The following RFX7 variants were observed in gnomAD, a reference collection of about 807,000 sequenced individuals.
RFX7 encodes regulatory factor X7, also known as DNA-binding protein RFX7.
In RFX7, 26 loss-of-function variants were observed where a neutral mutation model predicts 111.8. The ratio of observed to expected loss-of-function variants is 0.23; its 90% CI spans 0.17 to 0.32. The LOEUF is 0.32. RFX7 is among the 10% of genes least tolerant of loss of function. The probability of loss-of-function intolerance (pLI) is 1.00; values close to 1 mark genes in which losing one functional copy is unlikely to be tolerated. For missense variants in RFX7, 1,573 were observed against 1,772.9 expected, an observed-to-expected ratio of 0.89 and a Z score of 2.02; for synonymous variants, 624 against 624.4, an observed-to-expected ratio of 1.00 and a Z score of 0.01.
At chr15:56,217,476 G>A (rs1249088741) in intron 2 of RFX7, among the ~76,000 whole-genome samples, 1 of 146,314 alleles carries the variant, frequency 6.8e-6, no homozygotes, top group African/African-American at 2.5e-5. Context: ...CAGTTGTCTT[G>A]AGAATGTCAC....
At chr15:56,227,286 A>G (rs2043495450) in intron 2 of RFX7, among the ~76,000 whole-genome samples, 1 of 152,208 alleles carries the variant, frequency 6.6e-6, no homozygotes, top group Non-Finnish European at 1.5e-5. Flanking sequence ...CAGACAACAT[A>G]TAGTTGAGTC....
intron 2 of RFX7, among the ~76,000 whole-genome samples, chr15:56,186,809 T>C (rs1248362228): frequency 6.6e-6 from 1 of 152,164 alleles, no homozygotes; most frequent in African/African-American, 2.4e-5. Flanking sequence ...AATAAACTCT[T>C]TCCTTCTTTC....
chr15:56,105,710 A>G (rs896820437), intron 5 of RFX7, among the ~76,000 whole-genome samples: 2 of 152,174 alleles, frequency 1.3e-5, no homozygotes, highest in African/African-American at 2.4e-5. Context: ...AAAAGAAGTA[A>G]TGTTAAGTAT....
chr15:56,094,313 T>C lies in RFX7; in HGVS notation c.3415A>G (p.Lys1139Glu), dbSNP rs2041640537. 6.2e-7 allele frequency: 1 copy of C among 1,613,996 alleles called. No homozygotes were observed. Among genetic ancestry groups the C allele is most frequent in the Non-Finnish European group, 8.5e-7 (1 of 1,179,882 alleles). Residue 1139 changes from lysine (K) to glutamate (E), a missense_variant, in exon 10 of 10, where the codon AAA (lysine) becomes GAA (glutamate). Lys to Glu is a moderately conservative substitution (Grantham distance 56, BLOSUM62 1). Coordinates refer to ENST00000559447, the MANE Select transcript of RFX7 (RefSeq NM_022841.7). ...GCAGGGACTGCAAAACCCTCCTGTTTGTTGGTGTTATTTACAGTGGCACCT... is the reference window on the plus strand; with the variant it reads ...GCAGGGACTGCAAAACCCTCCTGTTCGTTGGTGTTATTTACAGTGGCACCT... Reference protein sequence around the residue: ...HQGATVNNTNKQEGFAVPAPL... With the variant: ...HQGATVNNTNEQEGFAVPAPL...
At chr15:56,192,130 TAAAC>T (rs1485281105) in intron 2 of RFX7, among the ~76,000 whole-genome samples, 1 of 152,020 alleles carries the variant, frequency 6.6e-6, no homozygotes, top group African/African-American at 2.4e-5. Flanking sequence ...TACACAGAAA[TAAAC>T]AGACTAAACA....
chr15:56,209,075 C>T (rs2043284982), intron 2 of RFX7, among the ~76,000 whole-genome samples: 1 of 151,908 alleles, frequency 6.6e-6, no homozygotes, highest in Non-Finnish European at 1.5e-5. Flanking sequence ...CGTCAACCAA[C>T]ATCAATGTCA....
chr15:56,228,411 T>C (rs1448989807), intron 2 of RFX7, among the ~76,000 whole-genome samples: 1 of 152,180 alleles, frequency 6.6e-6, no homozygotes, highest in African/African-American at 2.4e-5. Flanking sequence ...TATGGAACTA[T>C]GTTCCATCTT....
intron 5 of RFX7, among the ~76,000 whole-genome samples, chr15:56,111,023 TG>T (rs1304483528): frequency 3.6e-5 from 2 of 55,282 alleles, no homozygotes; most frequent in African/African-American, 6.0e-5. Flanking sequence ...GGGAGGGAGG[TG>T]GGGGGGTCAG....
chr15:56,219,405 G>A (rs946441080), intron 2 of RFX7, among the ~76,000 whole-genome samples: 12 of 152,042 alleles, frequency 7.9e-5, no homozygotes, highest in East Asian at 1.9e-4. Context: ...AGGGGTACAC[G>A]TGCAGGTCTG....
upstream of RFX7, among the ~76,000 whole-genome samples, chr15:56,244,945 C>A (rs751036453): frequency 1.6e-4 from 24 of 152,196 alleles, no homozygotes; most frequent in Non-Finnish European, 2.8e-4. Context: ...TAGAATACAA[C>A]AGCCAAGGCC....
intron 3 of RFX7, among the ~76,000 whole-genome samples, chr15:56,160,338 G>T (rs1424832877): frequency 2.6e-5 from 4 of 151,486 alleles, no homozygotes; most frequent in African/African-American, 2.4e-5. Flanking sequence ...TTTCAGATTG[G>T]TATCAGTAAA....
chr15:56,110,280 C>T (rs2041903088), intron 5 of RFX7, among the ~76,000 whole-genome samples: 1 of 101,632 alleles, frequency 9.8e-6, no homozygotes, highest in Non-Finnish European at 2.1e-5. Flanking sequence ...GGGGGGTCAG[C>T]CCCCCGCCTG....
At chr15:56,208,642 T>C (rs1224908497) in intron 2 of RFX7, among the ~76,000 whole-genome samples, 2 of 152,140 alleles carry the variant, frequency 1.3e-5, no homozygotes, top group East Asian at 3.8e-4. Flanking sequence ...ATTAAGATGC[T>C]AAGGGTTCTA....
chr15:56,174,559 C>G (rs1191269283), intron 3 of RFX7, among the ~76,000 whole-genome samples: 1 of 151,936 alleles, frequency 6.6e-6, no homozygotes, highest in Non-Finnish European at 1.5e-5. Context: ...CCATCCTGGA[C>G]AACATGGTGA....
At chr15:56,239,629 T>C (rs2043664354) in intron 2 of RFX7, among the ~76,000 whole-genome samples, 1 of 152,156 alleles carries the variant, frequency 6.6e-6, no homozygotes. Context: ...ATTTTTCACT[T>C]GTGGCACTAA....
intron 3 of RFX7, among the ~76,000 whole-genome samples, chr15:56,152,113 C>A (rs1366652951): frequency 6.6e-6 from 1 of 152,174 alleles, no homozygotes. Flanking sequence ...TAGTAGGAGA[C>A]TTTAACACCC....
chr15:56,145,929 T>C (rs576179326), intron 3 of RFX7, among the ~76,000 whole-genome samples: 9 of 152,334 alleles, frequency 5.9e-5, no homozygotes, highest in African/African-American at 2.2e-4. Flanking sequence ...TCACAAATCA[T>C]ACAAAGAGTG....
At chr15:56,149,179 T>C (rs1295031660) in intron 3 of RFX7, among the ~76,000 whole-genome samples, 1 of 152,062 alleles carries the variant, frequency 6.6e-6, no homozygotes, top group Admixed American at 6.5e-5. Context: ...AGCTATAACA[T>C]GTCAGCCTTC....
At position 56,243,870 on chromosome 15, in the gene RFX7, G is replaced by T. The variant is rs1331398837; in HGVS notation, c.-428C>A. The T allele has an allele frequency of 6.7e-6, 1 of 148,710 alleles. No individual in the cohort carries two copies. Among genetic ancestry groups the T allele is most frequent in the Non-Finnish European group, 1.5e-5 (1 of 66,562 alleles). The allele number at this position is 148,710 out of a possible 1,614,324, so 9.2% of individuals were successfully genotyped here. On this transcript the variant is annotated 5_prime_UTR_variant, in exon 1 of 10. Coordinates refer to ENST00000559447, the MANE Select transcript of RFX7 (RefSeq NM_022841.7). ...CTGCCAGCCCCGGAGGCAGCCCAGT[G>T]CGCGCAGCCGCACTGCGGCCCGGCG...
Sources: allele counts gnomAD v4.1 joint callset (sites outside exome capture counted in the v4.1 genomes callset), GRCh38; gene constraint gnomAD v4.1.1; transcripts MANE v1.5; gene names NCBI Gene and HGNC (gene_info 2026-07-23, HGNC 2026-07-21).